Variants in CLN5 observed in about 807,000 individuals in gnomAD.
CLN5 encodes bis(monoacylglycero)phosphate synthase CLN5.
In CLN5, 34 loss-of-function variants were observed where a neutral mutation model predicts 36.7. That is an observed-to-expected ratio of 0.93 (90% CI 0.71 to 1.23). CLN5 has a LOEUF of 1.23. CLN5 is among the 50% of genes most tolerant of loss of function. CLN5 has a pLI of 0.00. For missense variants in CLN5, 427 were observed against 439.4 expected (o/e 0.97, Z 0.25); for synonymous variants, 151 against 155.1 (o/e 0.97, Z 0.20).
chr13:76,994,678 T>C (rs1373214577), intron 1 of CLN5: 2 of 180,168 alleles, frequency 1.1e-5, no homozygotes, highest in East Asian at 3.3e-4. Flanking sequence ...CTGTTACTCA[T>C]AATTATCTGA....
At chr13:76,992,488 C>G (rs1004268690) in intron 1 of CLN5, 1 of 591,884 alleles carries the variant, frequency 1.7e-6, no homozygotes, top group Non-Finnish European at 2.9e-6. Flanking sequence ...CCTTTCGTCC[C>G]CTCTGGTCAC....
At position 77,000,764 on chromosome 13, in the gene CLN5, T is replaced by C; in HGVS notation, c.872T>C (p.Phe291Ser). ...ACTCTTGGTTTAGCCATAAAAAGATTTTATTACCCCTTCAAACCACATTTG... is the reference window on the plus strand; with the variant it reads ...ACTCTTGGTTTAGCCATAAAAAGATCTTATTACCCCTTCAAACCACATTTG... ...NKTLGLAIKRFYYPFKPHLPT... is the reference protein window; with the variant it reads ...NKTLGLAIKRSYYPFKPHLPT... Residue 291 changes from phenylalanine to serine, a missense_variant, in exon 4 of 4, where the codon TTT (phenylalanine) becomes TCT (serine). By Grantham distance (155) the Phe-to-Ser change is radical. Coordinates refer to ENST00000377453, the MANE Select transcript of CLN5 (RefSeq NM_006493.4). 6.2e-7 allele frequency: 1 copy of C among 1,614,008 alleles called. No homozygotes were observed. The highest frequency in any genetic ancestry group is 8.5e-7 in the Non-Finnish European group (1 of 1,179,976).
chr13:76,996,119 C>G lies in CLN5; in HGVS notation c.557C>G (p.Thr186Ser), dbSNP rs2034264024. 6.2e-7 allele frequency: 1 copy of G among 1,612,180 alleles called. No homozygotes were observed. Among genetic ancestry groups the G allele is most frequent in the Admixed American group, 1.7e-5 (1 of 59,996 alleles). The stretch of plus-strand genomic sequence containing the variant: ...AATGGGACATTAGTTCAAGTAGCAA[C>G]TATATCAGGTAAGTTGTGAAAATAT... ...KENGTLVQVA[T>S]ISGNMFNQMA... Residue 186 changes from threonine (T) to serine (S), a missense_variant, in exon 3 of 4, where the codon ACT (threonine) becomes AGT (serine). Coordinates refer to ENST00000377453, the MANE Select transcript of CLN5 (RefSeq NM_006493.4).
intron 3 of CLN5, chr13:77,000,042 C>A (rs1305397542): frequency 1.3e-5 from 2 of 151,802 alleles, no homozygotes; most frequent in African/African-American, 4.9e-5. Flanking sequence ...CAGTCTTAAT[C>A]AAGTTAGAAC....
Position 76,992,184 on chromosome 13 carries a change from C to T in CLN5, c.86C>T (p.Ala29Val). Reference sequence around the variant, plus strand: ...CGGGGACGCGCTTCCTGGTGCTGGGCCCTGGCGCTGCTTTGGCTCGCGGTG... The same window carrying T: ...CGGGGACGCGCTTCCTGGTGCTGGGTCCTGGCGCTGCTTTGGCTCGCGGTG... ...AARGRASWCW[A>V]LALLWLAVVP... The change falls in exon 1 of 4, where the codon GCC becomes GTC. Residue 29 changes from alanine (A) to valine (V), a missense_variant. Coordinates refer to ENST00000377453, the MANE Select transcript of CLN5 (RefSeq NM_006493.4). The T allele has an allele frequency of 6.2e-7, 1 of 1,605,442 alleles. No individual in the cohort carries two copies. Among genetic ancestry groups the T allele is most frequent in the Non-Finnish European group, 8.5e-7 (1 of 1,178,106 alleles).
chr13:76,996,512 C>T (rs7332752), intron 3 of CLN5: 13,128 of 217,310 alleles, frequency 0.06, 612 homozygotes, highest in East Asian at 0.13. Context: ...ATCCTCATAG[C>T]TTAGCTCCCA....
In CLN5 at chr13:77,000,645, C is replaced by A; in HGVS notation, c.753C>A (p.Asn251Lys). Reference protein sequence around the residue: ...KLAEFGAEFKNIETNYTRIFL... With the variant: ...KLAEFGAEFKKIETNYTRIFL... ...CTGAATTTGGAGCAGAGTTCAAGAA[C>A]ATAGAAACCAACTATACAAGAATAT... is the stretch of plus-strand genomic sequence containing the variant. Residue 251 changes from asparagine (N) to lysine (K), a missense_variant, in exon 4 of 4, where the codon AAC (asparagine) becomes AAA (lysine). Asn to Lys is a moderately conservative substitution (Grantham distance 94). Transcript: ENST00000377453. 2 of 1,614,028 alleles carry A rather than the reference C, an allele frequency of 1.2e-6. No individual in the cohort carries two copies. The highest frequency in any genetic ancestry group is 8.5e-7 in the Non-Finnish European group (1 of 1,179,936).
In CLN5 at chr13:76,995,319, T is replaced by C. The variant is rs564473065; in HGVS notation, c.339+91T>C. On this transcript the variant is annotated intron_variant, in intron 2 of 3. Transcript: ENST00000377453. ...AAGGAGTAATCACTATTTAGATGGC[T>C]GACTTTAGATCATGTTGGTGTTTGT... is the stretch of plus-strand genomic sequence containing the variant. 8.0e-6 allele frequency: 9 copies of C among 1,124,328 alleles called. No homozygotes were observed. In the African/African-American group the frequency reaches 1.4e-4, roughly 17 times the overall value. 69.6% of individuals were successfully genotyped at this position (1,124,328 alleles called of 1,614,324 possible). A position where few individuals can be genotyped will look rare whatever the true frequency, so the allele number is the denominator to read the frequency against.
At position 76,992,705 on chromosome 13, in the gene CLN5, TGAACCTGATCA is replaced by T. The variant is rs544551312; in HGVS notation, c.173+445_173+455del. The T allele has an allele frequency of 8.2e-5, 17 of 207,674 alleles. No homozygotes were observed. In the South Asian group the frequency reaches 1.2e-3, roughly 15 times the overall value. 12.9% of individuals were successfully genotyped at this position (207,674 alleles called of 1,614,324 possible). ...ACTGGGCGACCAACTCGCTCTGGTT[TGAACCTGATCA>T]GAACCTGATCCGAAGTCCTTATTGG... is the stretch of plus-strand genomic sequence containing the variant. On this transcript the variant is annotated intron_variant, in intron 1 of 3. Transcript: ENST00000377453.
Position 77,002,675 on chromosome 13 carries a change from C to A in CLN5, c.*1706C>A, listed in dbSNP as rs760125747. The A allele has an allele frequency of 1.3e-5, 2 of 151,880 alleles. No homozygotes were observed. Among genetic ancestry groups the A allele is most frequent in the Non-Finnish European group, 2.9e-5 (2 of 68,002 alleles). 9.4% of individuals were successfully genotyped at this position (151,880 alleles called of 1,614,324 possible). On this transcript the variant is annotated 3_prime_UTR_variant, in exon 4 of 4. Coordinates refer to ENST00000377453, the MANE Select transcript of CLN5 (RefSeq NM_006493.4). ...TTCTTTCACGCCTCCTTTAGCCTGTCGACTCCTTATAATAATGCCTAAATA... is the reference window on the plus strand; with the variant it reads ...TTCTTTCACGCCTCCTTTAGCCTGTAGACTCCTTATAATAATGCCTAAATA...
chr13:76,999,655 T>G (rs918271138), intron 3 of CLN5: 1 of 152,250 alleles, frequency 6.6e-6, no homozygotes, highest in Non-Finnish European at 1.5e-5. Flanking sequence ...TCATACTTTA[T>G]GTGTAGCATG....
intron 3 of CLN5, 85 bp downstream of exon 3, chr13:76,996,212 A>G: frequency 8.5e-7 from 1 of 1,172,856 alleles, no homozygotes. Flanking sequence ...GAAACATTTC[A>G]GTAATGTTTT....
chr13:76,995,575 GTGAGGTC>G, intron 2 of CLN5: 1 of 490,894 alleles, frequency 2.0e-6, no homozygotes. Flanking sequence ...CCATCACCAT[GTGAGGTC>G]TGTAGAGCTG....
intron 3 of CLN5, chr13:76,998,706 C>CAGAA (rs2034309761): frequency 6.6e-6 from 1 of 152,202 alleles, no homozygotes; most frequent in African/African-American, 2.4e-5. Flanking sequence ...GGTCAAAGAG[C>CAGAA]TGGATGTAGC....
chr13:77,000,666 AAT>A lies in CLN5; in HGVS notation c.777_778del (p.Phe260SerfsTer12), dbSNP rs786204644. 6.8e-6 allele frequency: 11 copies of A among 1,613,982 alleles called. No individual in the cohort carries two copies. The Admixed American group carries it at 1.7e-4, about 24-fold the overall frequency. On this transcript the variant is annotated frameshift_variant, in exon 4 of 4. Coordinates refer to ENST00000377453, the MANE Select transcript of CLN5 (RefSeq NM_006493.4). LOFTEE classifies it high-confidence loss of function. Reference protein sequence around the residue: ...FKNIETNYTRIFLYSGEPTYL... With the variant: ...FKNIETNYTRXFLYSGEPTYL... ...AGAACATAGAAACCAACTATACAAG[AAT>A]ATTTCTTTACAGTGGAGAACCTACT... is the stretch of plus-strand genomic sequence containing the variant.
At position 77,000,794 on chromosome 13, in the gene CLN5, C is replaced by A. The variant is rs1298505272; in HGVS notation, c.902C>A (p.Thr301Asn). Reference sequence around the variant, plus strand: ...TACCCCTTCAAACCACATTTGCCAACTAAAGAATTTCTGTTGAGTCTCTTG... The same window carrying A: ...TACCCCTTCAAACCACATTTGCCAAATAAAGAATTTCTGTTGAGTCTCTTG... ...FYYPFKPHLP[T>N]KEFLLSLLQI... is the part of the protein sequence containing the mutation. The change falls in exon 4 of 4, where the codon ACT becomes AAT. Residue 301 changes from threonine (T) to asparagine (N), a missense_variant. Physicochemically the swap from Thr to Asn is moderately conservative, Grantham distance 65. Transcript: ENST00000377453. 2.5e-6 allele frequency: 4 copies of A among 1,612,546 alleles called. No homozygotes were observed. Among genetic ancestry groups the A allele is most frequent in the Non-Finnish European group, 3.4e-6 (4 of 1,179,504 alleles).
In CLN5 at chr13:77,004,136, A is replaced by C. The variant is rs1305169307; in HGVS notation, c.*3167A>C. On this transcript the variant is annotated 3_prime_UTR_variant, in exon 4 of 4. Transcript: ENST00000377453. ...CTACTAACTTTATTTGGAACCCTCA[A>C]TATTGGTGGCTCCTTAAAAATTGGA... 1 of 152,154 alleles carries C rather than the reference A, an allele frequency of 6.6e-6. No homozygotes were observed. The highest frequency in any genetic ancestry group is 1.5e-5 in the Non-Finnish European group (1 of 68,020). 9.4% of individuals were successfully genotyped at this position (152,154 alleles called of 1,614,324 possible).
chr13:76,995,528 T>G, intron 2 of CLN5: 1 of 497,662 alleles, frequency 2.0e-6, no homozygotes, highest in South Asian at 2.1e-5. Flanking sequence ...CACCTCTTGA[T>G]TTCCATACTC....
Position 76,995,230 on chromosome 13 carries a change from T to A in CLN5, c.339+2T>A. On this transcript the variant is annotated splice_donor_variant, in intron 2 of 3. Coordinates refer to ENST00000377453, the MANE Select transcript of CLN5 (RefSeq NM_006493.4). LOFTEE classifies it high-confidence loss of function. ...TATGGAGACCTCCTGGGACACTTGGTAAGGATGCATCTTGGTCTTATAACT... is the reference window on the plus strand; with the variant it reads ...TATGGAGACCTCCTGGGACACTTGGAAAGGATGCATCTTGGTCTTATAACT... The A allele has an allele frequency of 1.2e-6, 2 of 1,613,790 alleles. No homozygotes were observed. The highest frequency in any genetic ancestry group is 1.7e-6 in the Non-Finnish European group (2 of 1,179,700).
Sources: allele counts gnomAD v4.1 joint callset, GRCh38; gene constraint gnomAD v4.1.1; transcripts MANE v1.5; gene names NCBI Gene and HGNC (gene_info 2026-07-23, HGNC 2026-07-21).